Variants in GPC5 observed in about 807,000 individuals in gnomAD.
GPC5 encodes the protein glypican-5.
A neutral mutation model predicts 53.9 loss-of-function variants in GPC5; 47 were observed. That is an observed-to-expected ratio of 0.87 (90% CI 0.69 to 1.11). GPC5 has a LOEUF of 1.11. GPC5 is among the 50% of genes most tolerant of loss of function. GPC5 has a pLI of 0.00. For synonymous variants in GPC5, 286 were observed against 263.3 expected (o/e 1.09, Z -0.84); for missense variants, 748 against 713.1 (o/e 1.05, Z -0.56).
At chr13:92,762,384 C>G (rs1875220171) in intron 7 of GPC5, among the ~76,000 whole-genome samples, 1 of 151,814 alleles carries the variant, frequency 6.6e-6, no homozygotes, top group South Asian at 2.1e-4. Flanking sequence ...CATGGTAACA[C>G]AAAGTAGAAA....
Position 92,481,294 on chromosome 13 carries a change from G to A in GPC5, c.1561+336305G>A, listed in dbSNP as rs567405258. On this transcript the variant is annotated intron_variant, in intron 7 of 7. Transcript: ENST00000377067. ...GTTTTGTATTTTTAGTAGGAACAGG[G>A]GTTTCACCTTGTTAGCCAAGATGGT... Among the ~76,000 whole-genome samples, 6 of 151,962 alleles carry A rather than the reference G, an allele frequency of 3.9e-5. No homozygotes were observed. In the South Asian group the frequency reaches 1.0e-3, roughly 26 times the overall value.
chr13:92,136,425 T>C (rs1241633607), intron 6 of GPC5, among the ~76,000 whole-genome samples: 1 of 152,152 alleles, frequency 6.6e-6, no homozygotes, highest in Non-Finnish European at 1.5e-5. Context: ...AAATAAAAAG[T>C]ATAATTTTTC....
At chr13:92,208,446 C>A (rs1184797724) in intron 7 of GPC5, among the ~76,000 whole-genome samples, 7 of 152,208 alleles carry the variant, frequency 4.6e-5, no homozygotes, top group Non-Finnish European at 1.0e-4. Flanking sequence ...TTTTTACCTG[C>A]TTTTCAGCAA....
intron 5 of GPC5, among the ~76,000 whole-genome samples, chr13:91,817,909 C>T (rs1251126748): frequency 6.6e-6 from 1 of 151,964 alleles, no homozygotes; most frequent in Non-Finnish European, 1.5e-5. Context: ...TTTTTTCTTT[C>T]CTTTTTTTCT....
chr13:91,662,683 G>T (rs1363365197), intron 2 of GPC5, among the ~76,000 whole-genome samples: 1 of 151,706 alleles, frequency 6.6e-6, no homozygotes, highest in East Asian at 1.9e-4. Flanking sequence ...ATTTTCATTT[G>T]GTTCTGTATT....
At chr13:92,130,042 C>T (rs769782684) in intron 6 of GPC5, among the ~76,000 whole-genome samples, 9 of 151,966 alleles carry the variant, frequency 5.9e-5, no homozygotes, top group Non-Finnish European at 1.3e-4. Context: ...TGAACTAAAA[C>T]AAAAGCCTCA....
chr13:92,398,621 A>G (rs912677723), intron 7 of GPC5, among the ~76,000 whole-genome samples: 1 of 151,812 alleles, frequency 6.6e-6, no homozygotes, highest in Non-Finnish European at 1.5e-5. Context: ...GGAATTTTCA[A>G]CTCCCTGGTA....
intron 7 of GPC5, among the ~76,000 whole-genome samples, chr13:92,805,388 CTCTTT>C (rs538907683): frequency 1.3e-5 from 2 of 152,002 alleles, no homozygotes; most frequent in Non-Finnish European, 2.9e-5. Flanking sequence ...TTCTTCAGAG[CTCTTT>C]GGTGACTAGG....
At chr13:91,784,213 A>T (rs1027678622) in intron 5 of GPC5, among the ~76,000 whole-genome samples, 1 of 152,248 alleles carries the variant, frequency 6.6e-6, no homozygotes, top group African/African-American at 2.4e-5. Flanking sequence ...TGTCATGTTC[A>T]TCTATTCAAA....
chr13:92,593,978 C>G (rs1221880422), intron 7 of GPC5, among the ~76,000 whole-genome samples: 1 of 152,116 alleles, frequency 6.6e-6, no homozygotes, highest in Non-Finnish European at 1.5e-5. Context: ...AAGGCATAAA[C>G]TGCAAGAACA....
At chr13:92,733,101 A>G (rs567956825) in intron 7 of GPC5, among the ~76,000 whole-genome samples, 1 of 151,870 alleles carries the variant, frequency 6.6e-6, no homozygotes, top group Admixed American at 6.6e-5. Context: ...CTCACTAATG[A>G]CAGATATCAT....
chr13:91,907,435 T>G (rs1282483414), intron 5 of GPC5, among the ~76,000 whole-genome samples: 1 of 145,566 alleles, frequency 6.9e-6, no homozygotes, highest in African/African-American at 2.5e-5. Flanking sequence ...ATAATATATA[T>G]TATATATACA....
Position 92,753,789 on chromosome 13 carries a change from A to G in GPC5, c.1562-112493A>G, listed in dbSNP as rs536708519. On this transcript the variant is annotated intron_variant, in intron 7 of 7. Transcript: ENST00000377067. ...AGGGAAGTTTAGAAAAAAAAAGAATAAAAAGAAATGAGCAAAGCCTCCAAG... is the reference window on the plus strand; with the variant it reads ...AGGGAAGTTTAGAAAAAAAAAGAATGAAAAGAAATGAGCAAAGCCTCCAAG... Among the ~76,000 whole-genome samples the G allele has an allele frequency of 2.0e-5, 3 of 152,282 alleles. No individual in the cohort carries two copies. In the South Asian group the frequency reaches 6.2e-4, roughly 32 times the overall value.
At chr13:92,571,548 T>C (rs778164846) in intron 7 of GPC5, among the ~76,000 whole-genome samples, 1 of 152,158 alleles carries the variant, frequency 6.6e-6, no homozygotes, top group Non-Finnish European at 1.5e-5. Context: ...AATCCAAATA[T>C]GGCAGATTCA....
chr13:91,411,937 G>A (rs1877823363), intron 1 of GPC5, among the ~76,000 whole-genome samples: 1 of 152,164 alleles, frequency 6.6e-6, no homozygotes, highest in Non-Finnish European at 1.5e-5. Context: ...GTTTTTAGAA[G>A]TTCTAGTCAA....
At chr13:91,735,264 A>G (rs1345222029) in intron 4 of GPC5, among the ~76,000 whole-genome samples, 1 of 151,140 alleles carries the variant, frequency 6.6e-6, no homozygotes, top group Non-Finnish European at 1.5e-5. Flanking sequence ...ATCTGTATAT[A>G]TAAGGTAAGT....
intron 2 of GPC5, among the ~76,000 whole-genome samples, chr13:91,558,301 C>A (rs565734613): frequency 6.6e-6 from 1 of 151,908 alleles, no homozygotes; most frequent in South Asian, 2.1e-4. Flanking sequence ...TACTTGGTCT[C>A]GGTATTAGTT....
At chr13:91,421,277 C>T (rs1426932751) in intron 1 of GPC5, among the ~76,000 whole-genome samples, 1 of 152,126 alleles carries the variant, frequency 6.6e-6, no homozygotes. Context: ...TAAAGAACTC[C>T]TCACAGTTAT....
chr13:92,587,307 T>C (rs1471477493), intron 7 of GPC5, among the ~76,000 whole-genome samples: 2 of 152,228 alleles, frequency 1.3e-5, no homozygotes, highest in African/African-American at 2.4e-5. Context: ...ACACATATTA[T>C]GTTTTAATTT....
Sources: gnomAD v4.1 joint callset for allele counts (sites outside exome capture counted in the v4.1 genomes callset) on GRCh38, gnomAD v4.1.1 for gene constraint, MANE v1.5 for transcripts, NCBI Gene and HGNC (gene_info 2026-07-23, HGNC 2026-07-21) for gene names.